IQSEC1: variants seen among roughly 807,000 people sequenced by gnomAD.
The protein encoded by IQSEC1 is IQ motif and SEC7 domain-containing protein 1.
IQSEC1 carries 31 observed loss-of-function variants against 91.0 expected under a neutral mutation model. The ratio of observed to expected loss-of-function variants is 0.34; its 90% confidence interval spans 0.26 to 0.46. The LOEUF (loss-of-function observed/expected upper bound fraction) is 0.46. Ranked by LOEUF, IQSEC1 falls within the 20% of genes least tolerant of loss-of-function variation. IQSEC1 has a pLI of 1.00. For missense variants in IQSEC1, 1,388 were observed against 1,575.6 expected, an observed-to-expected ratio of 0.88 and a Z score of 2.02; for synonymous variants, 699 against 662.6, an observed-to-expected ratio of 1.05 and a Z score of -0.84.
Position 13,008,371 on chromosome 3 carries a change from C to A in IQSEC1, c.23+64621G>T, listed in dbSNP as rs1218515108. Among the ~76,000 whole-genome samples, 1 of 152,188 alleles carries A rather than the reference C, an allele frequency of 6.6e-6. No homozygotes were observed. Among genetic ancestry groups the A allele is most frequent in the Non-Finnish European group, 1.5e-5 (1 of 68,034 alleles). ...ACCGTCAGGCTGTCCACTGTCCAACCCAGACGTCCTCTCTGAGAGTGCTGC... is the reference window on the plus strand; with the variant it reads ...ACCGTCAGGCTGTCCACTGTCCAACACAGACGTCCTCTCTGAGAGTGCTGC... On this transcript the variant is annotated intron_variant, in intron 1 of 13. Coordinates refer to ENST00000613206, the MANE Select transcript of IQSEC1 (RefSeq NM_001134382.3). The surrounding 1 kb of genome is among the most constrained non-coding windows in gnomAD (Gnocchi z 4.1).
chr3:12,991,520 G>GC (rs1467548665), intron 1 of IQSEC1, among the ~76,000 whole-genome samples: 4 of 152,054 alleles, frequency 2.6e-5, no homozygotes, highest in Non-Finnish European at 4.4e-5. Context: ...GGAATGAGCA[G>GC]CCCCCCACTC....
chr3:12,915,236 C>T, intron 7 of IQSEC1, 103 bp from the exon 8 acceptor site: 1 of 1,298,248 alleles, frequency 7.7e-7, no homozygotes, highest in Non-Finnish European at 1.1e-6. Context: ...TGGGATCCAC[C>T]CAGCCAGTAT....
intron 1 of IQSEC1, among the ~76,000 whole-genome samples, chr3:13,281,063 G>A (rs1695781368): frequency 6.6e-6 from 1 of 152,382 alleles, no homozygotes; most frequent in East Asian, 1.9e-4. Flanking sequence ...AAGGGAAAAA[G>A]GAAGCCATTC....
rs1045354953 is a variant in IQSEC1 at position 12,967,675 on chromosome 3, G to C, written c.24-25810C>G. ...CCAGGCCAGCCAAGCCCGCCCCTCC[G>C]CCGCCGCCCGCTTGGCGCAGCGCGA... On this transcript the variant is annotated intron_variant, in intron 1 of 13. Transcript: ENST00000613206. The surrounding 1 kb of genome is among the most constrained non-coding windows in gnomAD (Gnocchi z 5.9). 18 of 1,167,564 alleles carry C rather than the reference G, an allele frequency of 1.5e-5. No homozygotes were observed. The African/African-American group carries it at 2.4e-4, about 16-fold the overall frequency. The allele number at this position is 1,167,564 out of a possible 1,614,324, so 72.3% of individuals were successfully genotyped here.
At chr3:12,957,244 T>A (rs1360497907) in intron 1 of IQSEC1, among the ~76,000 whole-genome samples, 1 of 152,224 alleles carries the variant, frequency 6.6e-6, no homozygotes, top group Non-Finnish European at 1.5e-5. Context: ...CATGACCTCA[T>A]CTGCATGGCC....
intron 1 of IQSEC1, among the ~76,000 whole-genome samples, chr3:13,225,324 A>G (rs1205617789): frequency 1.3e-5 from 2 of 152,230 alleles, no homozygotes; most frequent in African/African-American, 2.4e-5. Flanking sequence ...ACTTCGGATA[A>G]CACTAAATGT....
chr3:13,237,741 A>G (rs1012387816), intron 1 of IQSEC1, among the ~76,000 whole-genome samples: 5 of 152,186 alleles, frequency 3.3e-5, no homozygotes, highest in African/African-American at 9.7e-5. Context: ...AAATGGGTTG[A>G]TGCCTGCCCT....
intron 2 of IQSEC1, among the ~76,000 whole-genome samples, chr3:13,122,670 G>A (rs1157393050): frequency 6.6e-6 from 1 of 152,194 alleles, no homozygotes; most frequent in Non-Finnish European, 1.5e-5. Context: ...ACAGGCCCCG[G>A]GAAGGGACAC....
At chr3:13,142,846 C>A (rs982395072) in intron 2 of IQSEC1, among the ~76,000 whole-genome samples, 4 of 152,216 alleles carry the variant, frequency 2.6e-5, no homozygotes, top group African/African-American at 9.6e-5. Flanking sequence ...AAAGCCCGAA[C>A]TGTTTACCAT....
chr3:12,932,276 G>GGA (rs1162734390), intron 3 of IQSEC1, among the ~76,000 whole-genome samples: 1 of 152,198 alleles, frequency 6.6e-6, no homozygotes, highest in Non-Finnish European at 1.5e-5. Flanking sequence ...AGATGGTGTG[G>GGA]CTCTGCCTCC....
At chr3:13,088,645 C>T (rs1232274823) in intron 2 of IQSEC1, among the ~76,000 whole-genome samples, 2 of 152,152 alleles carry the variant, frequency 1.3e-5, no homozygotes, top group Non-Finnish European at 2.9e-5. Context: ...CCGGGGACCC[C>T]ACCCCACTCA....
Position 13,118,431 on chromosome 3 carries a change from C to T in IQSEC1, c.302+45673G>A, listed in dbSNP as rs893138854. On this transcript the variant is annotated intron_variant, in intron 2 of 15. Transcript: ENST00000648114. ...GCCAAAGTGACCATTGATGGGTGAA[C>T]GGATAGACAAATTTCGTCCATATAT... Among the ~76,000 whole-genome samples the T allele has an allele frequency of 2.6e-5, 4 of 152,228 alleles. No homozygotes were observed. In the East Asian group the frequency reaches 7.7e-4, roughly 29 times the overall value.
chr3:13,176,717 C>T (rs947206562), intron 1 of IQSEC1, among the ~76,000 whole-genome samples: 8 of 152,196 alleles, frequency 5.3e-5, no homozygotes, highest in African/African-American at 1.7e-4. Context: ...GACCGGAAAC[C>T]CAGGGCACCT....
At chr3:13,047,501 G>A (rs1704544080) in intron 1 of IQSEC1, 1 of 985,384 alleles carries the variant, frequency 1.0e-6, no homozygotes, top group Middle Eastern at 5.2e-4. Context: ...TGGAGAGGCT[G>A]CTTCCGGTGT....
intron 1 of IQSEC1, among the ~76,000 whole-genome samples, chr3:13,219,136 ACAC>A (rs1487994645): frequency 6.6e-6 from 1 of 152,042 alleles, no homozygotes; most frequent in East Asian, 1.9e-4. Context: ...AAATAACGTC[ACAC>A]CATGTCACCC....
chr3:13,263,662 T>C (rs376514306), intron 1 of IQSEC1, among the ~76,000 whole-genome samples: 1 of 152,188 alleles, frequency 6.6e-6, no homozygotes, highest in Non-Finnish European at 1.5e-5. Context: ...AGGCTGGTCT[T>C]GAACTCCTGA....
chr3:13,191,002 C>T (rs1694014277), intron 1 of IQSEC1, among the ~76,000 whole-genome samples: 1 of 152,212 alleles, frequency 6.6e-6, no homozygotes, highest in South Asian at 2.1e-4. Flanking sequence ...AGCACCCCTC[C>T]TCCTGCCCCC....
intron 1 of IQSEC1, among the ~76,000 whole-genome samples, chr3:13,227,319 T>C (rs1263103277): frequency 2.3e-5 from 3 of 128,520 alleles, no homozygotes; most frequent in African/African-American, 6.1e-5. Flanking sequence ...GAGGATGCCG[T>C]GAGCCGAGAT....
At chr3:13,182,667 C>G (rs1165333521) in intron 1 of IQSEC1, among the ~76,000 whole-genome samples, 2 of 152,084 alleles carry the variant, frequency 1.3e-5, no homozygotes, top group African/African-American at 4.8e-5. Flanking sequence ...TTTAAGAGAA[C>G]TAGAAATTAG....
Sources: allele counts gnomAD v4.1 joint callset (sites outside exome capture counted in the v4.1 genomes callset), GRCh38; gene constraint gnomAD v4.1.1; non-coding constraint Gnocchi (gnomAD v3.1); transcripts MANE v1.5; gene names NCBI Gene and HGNC (gene_info 2026-07-23, HGNC 2026-07-21).